Variants in PMM2 observed in about 807,000 individuals in gnomAD.
The protein encoded by PMM2 is mannose-6-phosphate isomerase.
Under a neutral mutation model 33.2 loss-of-function variants are expected in PMM2, and 35 were observed. The observed-to-expected ratio is 1.06, with a 90% CI of 0.81 to 1.40. The LOEUF is 1.40. Among genes scored for constraint, PMM2 ranks in the 40% most tolerant of loss-of-function variants. The pLI is 0.00. For synonymous variants in PMM2, 153 were observed against 114.7 expected (o/e 1.33, Z -2.13); for missense variants, 386 against 306.0 (o/e 1.26, Z -1.95).
chr16:8,830,389 A>G (rs1462270685), intron 7 of PMM2, among the ~76,000 whole-genome samples: 1 of 152,162 alleles, frequency 6.6e-6, no homozygotes, highest in East Asian at 1.9e-4. Context: ...TGTGCAGGAG[A>G]CTGGAGTTTT....
At chr16:8,820,070 T>C (rs943814924) in intron 7 of PMM2, among the ~76,000 whole-genome samples, 2 of 152,168 alleles carry the variant, frequency 1.3e-5, no homozygotes, top group African/African-American at 2.4e-5. Flanking sequence ...TGGTGGCGCA[T>C]GCCTGGATCC....
chr16:8,832,502 G>A (rs1431534779), intron 7 of PMM2: 6 of 985,332 alleles, frequency 6.1e-6, no homozygotes, highest in Non-Finnish European at 7.2e-6. Flanking sequence ...TTAGGCCTCT[G>A]TCCCTGCATG....
At chr16:8,843,456 G>A (rs1168020593) in intron 7 of PMM2, among the ~76,000 whole-genome samples, 1 of 152,166 alleles carries the variant, frequency 6.6e-6, no homozygotes, top group East Asian at 1.9e-4. Context: ...TTTCCAGTGG[G>A]GTCCCGCACA....
intron 7 of PMM2, among the ~76,000 whole-genome samples, chr16:8,831,566 CAG>C (rs892074227): frequency 3.9e-5 from 6 of 152,182 alleles, no homozygotes; most frequent in African/African-American, 1.2e-4. Context: ...CCACGAGCTA[CAG>C]AGAGTCCATC....
intron 7 of PMM2, among the ~76,000 whole-genome samples, chr16:8,824,422 C>A (rs995885201): frequency 5.9e-5 from 9 of 152,208 alleles, no homozygotes; most frequent in African/African-American, 2.2e-4. Context: ...ACAAGGAAAT[C>A]TGGTCATCTC....
At chr16:8,832,141 G>A (rs1205202537) in intron 7 of PMM2, 3 of 985,274 alleles carry the variant, frequency 3.0e-6, no homozygotes, top group African/African-American at 1.7e-5. Flanking sequence ...ATGCAAGCTC[G>A]ACACAGCCCC....
chr16:8,828,419 T>G (rs1002715826), intron 7 of PMM2, among the ~76,000 whole-genome samples: 1 of 152,076 alleles, frequency 6.6e-6, no homozygotes, highest in Non-Finnish European at 1.5e-5. Context: ...CACTGTGAAA[T>G]AGCAAAGCTT....
chr16:8,845,777 G>T (rs540034716), intron 7 of PMM2, among the ~76,000 whole-genome samples: 6 of 148,868 alleles, frequency 4.0e-5, no homozygotes, highest in Non-Finnish European at 7.4e-5. Flanking sequence ...TACCCACTGT[G>T]CCATTCCTGA....
At chr16:8,836,119 C>A (rs560178968) in intron 7 of PMM2, among the ~76,000 whole-genome samples, 1 of 151,300 alleles carries the variant, frequency 6.6e-6, no homozygotes, top group African/African-American at 2.4e-5. Context: ...ACAACAGTTA[C>A]GGAGGCAAGG....
chr16:8,809,068 G>A (rs1338338828), intron 4 of PMM2: 2 of 152,160 alleles, frequency 1.3e-5, no homozygotes, highest in East Asian at 3.9e-4. Flanking sequence ...AGGCCCTTTG[G>A]AGGTAACCAG....
intron 7 of PMM2, among the ~76,000 whole-genome samples, chr16:8,822,305 A>G (rs2141030391): frequency 6.6e-6 from 1 of 152,328 alleles, no homozygotes; most frequent in East Asian, 1.9e-4. Flanking sequence ...CAGGGTCTAC[A>G]AAATATCTCA....
intron 4 of PMM2, chr16:8,809,434 T>C (rs1437974622): frequency 6.6e-6 from 1 of 152,174 alleles, no homozygotes; most frequent in Non-Finnish European, 1.5e-5. Context: ...TTTTCTTTTT[T>C]TGGTTGTGGG....
chr16:8,844,341 TG>T (rs1292905345), intron 7 of PMM2, among the ~76,000 whole-genome samples: 1 of 150,220 alleles, frequency 6.7e-6, no homozygotes, highest in East Asian at 2.0e-4. Flanking sequence ...GGAAGGGGTT[TG>T]GGGGTTCTTA....
chr16:8,843,777 G>A (rs1172178351), intron 7 of PMM2, among the ~76,000 whole-genome samples: 2 of 152,164 alleles, frequency 1.3e-5, no homozygotes, highest in African/African-American at 4.8e-5. Context: ...AGCAGATTGG[G>A]TAATAAAATG....
intron 1 of PMM2, among the ~76,000 whole-genome samples, chr16:8,798,605 G>A (rs996210841): frequency 6.6e-6 from 1 of 152,194 alleles, no homozygotes; most frequent in African/African-American, 2.4e-5. Flanking sequence ...CTAGGGAGAT[G>A]GAGGAGCCCT....
At chr16:8,839,211 T>C (rs776165697) in intron 7 of PMM2, among the ~76,000 whole-genome samples, 1 of 151,922 alleles carries the variant, frequency 6.6e-6, no homozygotes, top group African/African-American at 2.4e-5. Flanking sequence ...TATTTGCAAA[T>C]TGAATTTTGG....
intron 7 of PMM2, among the ~76,000 whole-genome samples, chr16:8,835,004 A>C (rs1018872569): frequency 1.3e-5 from 2 of 151,960 alleles, no homozygotes; most frequent in African/African-American, 4.8e-5. Context: ...TATATGCATC[A>C]GGTATGAGGA....
At chr16:8,799,241 C>A (rs1320650983) in intron 1 of PMM2, among the ~76,000 whole-genome samples, 2 of 152,198 alleles carry the variant, frequency 1.3e-5, no homozygotes, top group Non-Finnish European at 2.9e-5. Context: ...CCAATGTGGT[C>A]TGTGGGCCAT....
intron 7 of PMM2, among the ~76,000 whole-genome samples, chr16:8,833,971 A>G (rs1350548599): frequency 6.6e-6 from 1 of 151,892 alleles, no homozygotes; most frequent in Non-Finnish European, 1.5e-5. Flanking sequence ...AGAGCAGGGC[A>G]TGTATGAGTA....
Sources: allele counts gnomAD v4.1 joint callset (sites outside exome capture counted in the v4.1 genomes callset), GRCh38; gene constraint gnomAD v4.1.1; transcripts MANE v1.5; gene names NCBI Gene and HGNC (gene_info 2026-07-23, HGNC 2026-07-21).